The following WDR47 variants were observed in gnomAD, a reference collection of about 807,000 sequenced individuals.
WDR47 encodes WD repeat-containing protein 47.
A neutral mutation model predicts 97.2 loss-of-function variants in WDR47; 32 were observed. The observed-to-expected ratio is 0.33, with a 90% confidence interval of 0.25 to 0.44. The LOEUF (loss-of-function observed/expected upper bound fraction) is 0.44, where lower values mean the gene tolerates loss of function less well. Ranked by LOEUF, WDR47 falls within the 20% of genes least tolerant of loss-of-function variation. The probability of loss-of-function intolerance (pLI) is 1.00; values close to 1 mark genes in which losing one functional copy is unlikely to be tolerated. For missense variants in WDR47, 782 were observed against 1,102.3 expected, an observed-to-expected ratio of 0.71 and a Z score of 4.11; for synonymous variants, 375 against 373.5, an observed-to-expected ratio of 1.00 and a Z score of -0.05.
At chr1:109,007,302 A>G (rs886288978) in intron 5 of WDR47, among the ~76,000 whole-genome samples, 37 of 151,634 alleles carry the variant, frequency 2.4e-4, no homozygotes, top group African/African-American at 8.5e-4. Flanking sequence ...TACTTGGTCT[A>G]GTTGAGCTTC....
rs1262198583 is a variant in WDR47 at position 108,981,833 on chromosome 1, G to A, written c.2298C>T (p.Gly766=). Residue 766 remains glycine (G), a synonymous_variant, in exon 13 of 15, where the codon GGC becomes GGT. Coordinates refer to ENST00000369962, the MANE Select transcript of WDR47 (RefSeq NM_001142551.2). The stretch of plus-strand genomic sequence containing the variant: ...CTTGGGAACCAGATGCAATCATCCA[G>A]CCACTCCAGGTATAAAGTGCTAAAA... ...GHILALYTWS[G]WMIASGSQDK... is the part of the protein sequence containing the mutation. 2 of 1,613,738 alleles carry A rather than the reference G, an allele frequency of 1.2e-6. No individual in the cohort carries two copies. Among genetic ancestry groups the A allele is most frequent in the Admixed American group, 1.7e-5 (1 of 59,974 alleles).
At chr1:109,025,789 G>A (rs574633863) in intron 1 of WDR47, among the ~76,000 whole-genome samples, 1 of 151,984 alleles carries the variant, frequency 6.6e-6, no homozygotes, top group Non-Finnish European at 1.5e-5. Flanking sequence ...GTAAACAAGG[G>A]ACAAACCACA....
At chr1:109,028,634 G>A (rs924709329) in intron 1 of WDR47, among the ~76,000 whole-genome samples, 8 of 151,588 alleles carry the variant, frequency 5.3e-5, no homozygotes, top group Admixed American at 3.9e-4. Context: ...TGTATCTTTA[G>A]TAGAGGTGGG....
chr1:108,987,517 G>C (rs1220977982), intron 9 of WDR47, among the ~76,000 whole-genome samples: 1 of 151,682 alleles, frequency 6.6e-6, no homozygotes, highest in Non-Finnish European at 1.5e-5. Context: ...GCCCAGGCTG[G>C]AGTGCAGTGG....
chr1:109,024,497 A>G (rs1662067473), intron 1 of WDR47, among the ~76,000 whole-genome samples: 3 of 152,110 alleles, frequency 2.0e-5, no homozygotes, highest in Non-Finnish European at 2.9e-5. Context: ...CATATGGGTA[A>G]TATCAGTGAT....
At chr1:109,032,554 T>C (rs1480816052) in intron 1 of WDR47, among the ~76,000 whole-genome samples, 5 of 148,422 alleles carry the variant, frequency 3.4e-5, no homozygotes, top group Non-Finnish European at 7.5e-5. Flanking sequence ...AATTAAGTCA[T>C]GTAATGCAGA....
At chr1:108,975,266 T>C (rs1657793770) in intron 13 of WDR47, among the ~76,000 whole-genome samples, 2 of 151,958 alleles carry the variant, frequency 1.3e-5, no homozygotes, top group African/African-American at 4.8e-5. Flanking sequence ...TGAATCCTTG[T>C]CTCCCAGAAA....
intron 8 of WDR47, among the ~76,000 whole-genome samples, chr1:108,994,963 A>C (rs1158186744): frequency 1.3e-5 from 2 of 152,218 alleles, no homozygotes; most frequent in African/African-American, 4.8e-5. Flanking sequence ...TTTGTACTTA[A>C]TCTCAGCCAA....
intron 5 of WDR47, among the ~76,000 whole-genome samples, chr1:109,006,219 A>AC (rs1660603287): frequency 6.6e-6 from 1 of 151,416 alleles, no homozygotes; most frequent in African/African-American, 2.4e-5. Flanking sequence ...ACATGGAAAA[A>AC]CCCCGTCTCT....
chr1:109,026,931 AAT>A (rs960442144), intron 1 of WDR47, among the ~76,000 whole-genome samples: 17 of 152,176 alleles, frequency 1.1e-4, no homozygotes, highest in Non-Finnish European at 8.8e-5. Context: ...GGTAACAGAA[AAT>A]ATGTCCTAAT....
intron 13 of WDR47, among the ~76,000 whole-genome samples, chr1:108,977,842 G>A (rs1182898701): frequency 1.3e-5 from 2 of 151,926 alleles, no homozygotes; most frequent in Non-Finnish European, 2.9e-5. Flanking sequence ...AAACGAGCTG[G>A]GCGTGGTGGC....
rs777358896 is a variant in WDR47 at position 109,004,665 on chromosome 1, T to C, written c.1181A>G (p.Gln394Arg). The change falls in exon 6 of 15, where the codon CAG (glutamine) becomes CGG (arginine). Residue 394 changes from glutamine (Q) to arginine (R), a missense_variant. Physicochemically the swap from Gln to Arg is conservative, Grantham distance 43 (BLOSUM62 1). Transcript: ENST00000369962. ...QRPIGSEILG[Q>R]SSVSEKEPAN... is the part of the protein sequence containing the mutation. ...AGGCTCTTTTTCTGAAACTGAACTC[T>C]GGCCCAAGATTTCACTGCCGATAGG... is the stretch of plus-strand genomic sequence containing the variant. 3.1e-6 allele frequency: 5 copies of C among 1,613,778 alleles called. No homozygotes were observed. The highest frequency in any genetic ancestry group is 1.7e-4 in the Middle Eastern group (1 of 6,060).
chr1:109,014,869 A>G (rs1160743183), intron 3 of WDR47, among the ~76,000 whole-genome samples: 1 of 152,220 alleles, frequency 6.6e-6, no homozygotes, highest in Non-Finnish European at 1.5e-5. Flanking sequence ...CTGGAAAGAA[A>G]AAAATAATGA....
In WDR47 at chr1:109,037,993, C is replaced by G. The variant is rs893017382; in HGVS notation, c.-10+3869G>C. On this transcript the variant is annotated intron_variant, in intron 1 of 14. Coordinates refer to ENST00000369962, the MANE Select transcript of WDR47 (RefSeq NM_001142551.2). ...GACCACAGGTGTGCACCACCACACTCAGCTAGCATTTTTTTTTTAATTGTT... is the reference window on the plus strand; with the variant it reads ...GACCACAGGTGTGCACCACCACACTGAGCTAGCATTTTTTTTTTAATTGTT... Among the ~76,000 whole-genome samples the G allele has an allele frequency of 5.9e-5, 9 of 152,004 alleles. No individual in the cohort carries two copies. In the East Asian group the frequency reaches 1.7e-3, roughly 29 times the overall value.
chr1:109,041,392 C>G (rs925153550), intron 1 of WDR47: 2 of 152,334 alleles, frequency 1.3e-5, no homozygotes, highest in Non-Finnish European at 2.9e-5. Flanking sequence ...CCAGCCCCGC[C>G]GCTCCCTCTC....
At chr1:109,013,752 T>G in intron 4 of WDR47, 89 bp downstream of exon 4, 1 of 1,399,230 alleles carries the variant, frequency 7.1e-7, no homozygotes, top group East Asian at 2.3e-5. Flanking sequence ...CTCTGAAAAC[T>G]TGTGATGCTA....
Position 108,991,350 on chromosome 1 carries a change from G to C in WDR47, c.1692-21C>G, listed in dbSNP as rs768807635. ...AAGAGCTGTGGGAGTAGAAATTCAA[G>C]TAAAGTTTACTCCATGTATCAAAAT... On this transcript the variant is annotated intron_variant, in intron 8 of 14. Coordinates refer to ENST00000369962, the MANE Select transcript of WDR47 (RefSeq NM_001142551.2). 20 of 1,595,860 alleles carry C rather than the reference G, an allele frequency of 1.3e-5. No individual in the cohort carries two copies. The South Asian group carries it at 2.1e-4, about 17-fold the overall frequency.
At chr1:108,993,640 T>G (rs1659535322) in intron 8 of WDR47, among the ~76,000 whole-genome samples, 1 of 152,114 alleles carries the variant, frequency 6.6e-6, no homozygotes. Context: ...CAGGATTCTA[T>G]CTAGACCTAC....
rs375888591 is a variant in WDR47, at chr1:109,014,241, T to C, written c.243-316A>G. On this transcript the variant is annotated intron_variant, in intron 3 of 14. Transcript: ENST00000369962. Reference sequence around the variant, plus strand: ...TACATCCTGTTTTTTATTAAAAAAATTTTAACAAATAATAGTATATATTTA... The same window carrying C: ...TACATCCTGTTTTTTATTAAAAAAACTTTAACAAATAATAGTATATATTTA... Among the ~76,000 whole-genome samples, 111 of 152,240 alleles carry C rather than the reference T, an allele frequency of 7.3e-4. 2 individuals carry two copies. In the South Asian group the frequency reaches 0.023, roughly 31 times the overall value.
Sources: gnomAD v4.1 joint callset for allele counts (sites outside exome capture counted in the v4.1 genomes callset) on GRCh38, gnomAD v4.1.1 for gene constraint, MANE v1.5 for transcripts, NCBI Gene and HGNC (gene_info 2026-07-23, HGNC 2026-07-21) for gene names.